The following CCDC88C variants were observed in gnomAD, a reference collection of about 807,000 sequenced individuals.
CCDC88C encodes the protein protein Daple.
Under a neutral mutation model 198.8 loss-of-function variants are expected in CCDC88C, and 131 were observed. The observed-to-expected ratio is 0.66, with a 90% CI of 0.57 to 0.76. CCDC88C has a LOEUF of 0.76. CCDC88C is among the 30% of genes least tolerant of loss of function. The probability of loss-of-function intolerance (pLI) is 0.00; values close to 1 mark genes in which losing one functional copy is unlikely to be tolerated. For synonymous variants in CCDC88C, 1,166 were observed against 1,114.7 expected (o/e 1.05, Z -0.92); for missense variants, 2,553 against 2,631.6 (o/e 0.97, Z 0.65).
At chr14:91,350,081 A>G (rs939294935) in intron 4 of CCDC88C, among the ~76,000 whole-genome samples, 1 of 152,226 alleles carries the variant, frequency 6.6e-6, no homozygotes, top group East Asian at 1.9e-4. Flanking sequence ...TCTTCCTTCC[A>G]TGACTGGTAC....
chr14:91,275,786 C>T (rs1470052133), intron 29 of CCDC88C, among the ~76,000 whole-genome samples: 11 of 147,948 alleles, frequency 7.4e-5, no homozygotes, highest in Non-Finnish European at 1.3e-4. Context: ...GAATGACAGG[C>T]ATGAGCCACC....
chr14:91,395,479 G>A (rs17127347), intron 3 of CCDC88C, among the ~76,000 whole-genome samples: 5,167 of 152,174 alleles, frequency 0.034, 286 homozygotes, highest in African/African-American at 0.12. Context: ...CAGGGAAAGC[G>A]TTCAGGGACC....
rs115510695 is a variant in CCDC88C, at chr14:91,278,091, C to T, written c.4889G>A (p.Arg1630His). 1,186 of 1,612,316 alleles carry T rather than the reference C, an allele frequency of 7.4e-4. 9 individuals carry two copies. The African/African-American group carries it at 0.015, about 20-fold the overall frequency. Residue 1630 changes from arginine (R) to histidine (H), a missense_variant, in exon 29 of 30, where the codon CGC becomes CAC. Physicochemically the swap from Arg to His is conservative, Grantham distance 29. This residue lies in a region of CCDC88C where 1,293 missense variants were observed against 1,219.6 expected (regional missense o/e 1.06). Transcript: ENST00000389857. ...GTTCCGAGGCAAGGGGTACTCGTGG[C>T]GGCCGAGGGCGTTGCGTCCCGGTGT... is the stretch of plus-strand genomic sequence containing the variant. The part of the protein sequence containing the change: ...ASTPGRNALG[R>H]HEYPLPRNGP...
intron 17 of CCDC88C, among the ~76,000 whole-genome samples, chr14:91,308,061 G>A (rs188871947): frequency 3.3e-5 from 5 of 152,358 alleles, no homozygotes; most frequent in East Asian, 3.9e-4. Context: ...AGTGCCCAAC[G>A]TGCAGTTTCA....
Position 91,284,574 on chromosome 14 carries a change from G to A in CCDC88C, c.4442-1057C>T, listed in dbSNP as rs1258642784. On this transcript the variant is annotated intron_variant, in intron 25 of 29. Coordinates refer to ENST00000389857, the MANE Select transcript of CCDC88C (RefSeq NM_001080414.4). The surrounding 1 kb of genome is among the most constrained non-coding windows in gnomAD (Gnocchi z 4.1). Reference sequence around the variant, plus strand: ...TTAGCATGAGCAGCGAACAGAGAAAGCACAATTCCAACAGCATGCGCGGAA... The same window carrying A: ...TTAGCATGAGCAGCGAACAGAGAAAACACAATTCCAACAGCATGCGCGGAA... Among the ~76,000 whole-genome samples the A allele has an allele frequency of 6.6e-6, 1 of 152,230 alleles. No individual in the cohort carries two copies. The highest frequency in any genetic ancestry group is 1.5e-5 in the Non-Finnish European group (1 of 68,040).
At chr14:91,340,958 C>T (rs1893287645) in intron 6 of CCDC88C, among the ~76,000 whole-genome samples, 1 of 152,050 alleles carries the variant, frequency 6.6e-6, no homozygotes, top group African/African-American at 2.4e-5. Flanking sequence ...GCTATGATCA[C>T]ACCACTTGTA....
Position 91,338,688 on chromosome 14 carries a change from G to T in CCDC88C, c.810-118C>A. 1 of 730,358 alleles carries T rather than the reference G, an allele frequency of 1.4e-6. No homozygotes were observed. The highest frequency in any genetic ancestry group is 2.4e-6 in the Non-Finnish European group (1 of 422,394). 45.2% of individuals were successfully genotyped at this position (730,358 alleles called of 1,614,324 possible). ...AAGGAAAGGACTCGGGATTTGGGCG[G>T]TGGGGAGGCGATCTGCTTATGGGGC... On this transcript the variant is annotated intron_variant, in intron 8 of 29. Coordinates refer to ENST00000389857, the MANE Select transcript of CCDC88C (RefSeq NM_001080414.4). This position sits in a 1 kb window ranked among gnomAD's most constrained non-coding sequence, Gnocchi z 4.8.
Position 91,271,653 on chromosome 14 carries a change from CAT to C in CCDC88C, c.*970_*971del, listed in dbSNP as rs1490576834. 2.0e-5 allele frequency: 3 copies of C among 152,320 alleles called. No individual in the cohort carries two copies. The highest frequency in any genetic ancestry group is 6.5e-5 in the Admixed American group (1 of 15,306). The allele number at this position is 152,320 out of a possible 1,614,324, so 9.4% of individuals were successfully genotyped here. On this transcript the variant is annotated 3_prime_UTR_variant, in exon 30 of 30. Coordinates refer to ENST00000389857, the MANE Select transcript of CCDC88C (RefSeq NM_001080414.4). Reference sequence around the variant, plus strand: ...ATCCCCCCAAAGTATACATATTTCACATGAGTGTGTACATATACATGTCATAT... The same window carrying C: ...ATCCCCCCAAAGTATACATATTTCACGAGTGTGTACATATACATGTCATAT...
chr14:91,323,318 G>A (rs1406560051), intron 12 of CCDC88C, among the ~76,000 whole-genome samples: 1 of 152,148 alleles, frequency 6.6e-6, no homozygotes, highest in Non-Finnish European at 1.5e-5. Context: ...CACACCAAGG[G>A]CCAGAGCCGG....
At position 91,388,701 on chromosome 14, in the gene CCDC88C, C is replaced by T. The variant is rs145976543; in HGVS notation, c.270+19958G>A. ...TAAAAAGGATCGAAACACTCAAACA[C>T]GTGACATTTCAACCAAACACAGACT... On this transcript the variant is annotated intron_variant, in intron 3 of 29. Coordinates refer to ENST00000389857, the MANE Select transcript of CCDC88C (RefSeq NM_001080414.4). Among the ~76,000 whole-genome samples the T allele has an allele frequency of 2.3e-3, 350 of 152,330 alleles. 2 individuals are homozygous for T. Among genetic ancestry groups the T allele is most frequent in the Middle Eastern group, 0.014 (4 of 294 alleles).
rs560309609 is a variant in CCDC88C at position 91,375,341 on chromosome 14, A to G, written c.271-15630T>C. On this transcript the variant is annotated intron_variant, in intron 3 of 29. Transcript: ENST00000389857. ...GCCTGAATCTAAAGGACTGGGACAGAAACAATGCCCTTCAATTAGACCAAC... is the reference window on the plus strand; with the variant it reads ...GCCTGAATCTAAAGGACTGGGACAGGAACAATGCCCTTCAATTAGACCAAC... Among the ~76,000 whole-genome samples, 27 of 152,214 alleles carry G rather than the reference A, an allele frequency of 1.8e-4. 1 individual carries two copies.
At chr14:91,337,876 G>A in intron 10 of CCDC88C, 129 bp downstream of exon 10, 1 of 1,139,878 alleles carries the variant, frequency 8.8e-7, no homozygotes, top group Non-Finnish European at 1.3e-6. Context: ...AGGCTGAGGT[G>A]CCGGGGAAGC....
At chr14:91,289,370 T>C in intron 24 of CCDC88C, 27 bp from the exon 25 acceptor site, 14 of 1,598,080 alleles carry the variant, frequency 8.8e-6, no homozygotes, top group East Asian at 6.7e-5. Flanking sequence ...GTTTAGGACA[T>C]AGCCAGCCCT....
At chr14:91,407,469 G>A (rs900430366) in intron 3 of CCDC88C, among the ~76,000 whole-genome samples, 1 of 152,208 alleles carries the variant, frequency 6.6e-6, no homozygotes, top group African/African-American at 2.4e-5. Context: ...CTGGTCACAT[G>A]TTTAGTGAAA....
chr14:91,294,386 T>C (rs1187723397), intron 22 of CCDC88C, 68 bp from the exon 23 acceptor site: 1 of 1,564,930 alleles, frequency 6.4e-7, no homozygotes, highest in East Asian at 2.3e-5. Flanking sequence ...GGAACCTAGC[T>C]CCCAAAGGAA....
At chr14:91,293,412 T>TCGCCTGC (rs1890800752) in intron 23 of CCDC88C, among the ~76,000 whole-genome samples, 4 of 126,738 alleles carry the variant, frequency 3.2e-5, no homozygotes, top group South Asian at 2.6e-4. Context: ...TCCTGCCCCC[T>TCGCCTGC]CACCTGCCAC....
chr14:91,338,670 G>T lies in CCDC88C; in HGVS notation c.810-100C>A. The T allele has an allele frequency of 1.1e-6, 1 of 892,698 alleles. No homozygotes were observed. The allele number at this position is 892,698 out of a possible 1,614,324, so 55.3% of individuals were successfully genotyped here. A position where few individuals can be genotyped will look rare whatever the true frequency, so the allele number is the denominator to read the frequency against. Reference sequence around the variant, plus strand: ...TCCTAAAACCTGTGGGAAAAGGAAAGGACTCGGGATTTGGGCGGTGGGGAG... The same window carrying T: ...TCCTAAAACCTGTGGGAAAAGGAAATGACTCGGGATTTGGGCGGTGGGGAG... On this transcript the variant is annotated intron_variant, in intron 8 of 29. Transcript: ENST00000389857. The surrounding 1 kb of genome is among the most constrained non-coding windows in gnomAD (Gnocchi z 4.8).
chr14:91,302,542 A>G (rs1254913115), intron 20 of CCDC88C, among the ~76,000 whole-genome samples: 1 of 152,062 alleles, frequency 6.6e-6, no homozygotes, highest in Non-Finnish European at 1.5e-5. Context: ...GGCTGACTTA[A>G]TGAATACAAA....
chr14:91,311,523 C>G (rs897744586), intron 15 of CCDC88C, among the ~76,000 whole-genome samples: 2 of 152,212 alleles, frequency 1.3e-5, no homozygotes, highest in East Asian at 3.8e-4. Context: ...GAGGACTCCA[C>G]TAGGGGTGCC....
Sources: allele counts gnomAD v4.1 joint callset (sites outside exome capture counted in the v4.1 genomes callset), GRCh38; gene constraint gnomAD v4.1.1; regional missense constraint gnomAD v4.1.1; non-coding constraint Gnocchi (gnomAD v3.1); transcripts MANE v1.5; gene names NCBI Gene and HGNC (gene_info 2026-07-23, HGNC 2026-07-21).